Variants in RTN4RL1 observed in about 807,000 individuals in gnomAD.
RTN4RL1 encodes the protein reticulon-4 receptor-like 1.
Under a neutral mutation model 25.6 loss-of-function variants are expected in RTN4RL1, and 7 were observed. That is an observed-to-expected ratio of 0.27 (90% CI 0.16 to 0.51). The LOEUF is 0.51. Ranked by LOEUF, RTN4RL1 falls within the 20% of genes least tolerant of loss-of-function variation. RTN4RL1 has a pLI of 0.97. For synonymous variants in RTN4RL1, 297 were observed against 288.2 expected (o/e 1.03, Z -0.31); for missense variants, 500 against 615.6 (o/e 0.81, Z 1.99).
At chr17:1,979,531 G>T (rs1408526012) in intron 1 of RTN4RL1, among the ~76,000 whole-genome samples, 2 of 152,104 alleles carry the variant, frequency 1.3e-5, no homozygotes, top group Admixed American at 6.5e-5. Context: ...GAGTGGGGGG[G>T]TGTGGGTTGG....
At chr17:1,957,045 C>A (rs1915808156) in intron 1 of RTN4RL1, among the ~76,000 whole-genome samples, 2 of 152,170 alleles carry the variant, frequency 1.3e-5, no homozygotes, top group African/African-American at 2.4e-5. Flanking sequence ...CAGCCAGGAA[C>A]TTTTGATGTA....
rs544076141 is a variant in RTN4RL1, at chr17:1,974,016, G to C, written c.14-36208C>G. ...ATTGCGCCACTGCACTCCAGTCTGG[G>C]CGACAGAGCGAGACTCCGTCTCAGA... On this transcript the variant is annotated intron_variant, in intron 1 of 1. Coordinates refer to ENST00000331238, the MANE Select transcript of RTN4RL1 (RefSeq NM_178568.4). 2.7e-4 allele frequency among the ~76,000 whole-genome samples: 39 copies of C among 142,558 alleles called. 1 individual carries two copies. In the South Asian group the frequency reaches 8.6e-3, roughly 31 times the overall value. The allele number at this position is 142,558 out of a possible 152,430, so 93.5% of individuals were successfully genotyped here. A position where few individuals can be genotyped will look rare whatever the true frequency, so the allele number is the denominator to read the frequency against.
At chr17:1,955,119 C>T (rs889655614) in intron 1 of RTN4RL1, among the ~76,000 whole-genome samples, 9 of 152,168 alleles carry the variant, frequency 5.9e-5, no homozygotes, top group East Asian at 1.9e-4. Context: ...TCACCAGCCA[C>T]GAGCCCCTGC....
chr17:2,005,787 A>T (rs1271886458), intron 1 of RTN4RL1, among the ~76,000 whole-genome samples: 847 of 78,816 alleles, frequency 0.011, no homozygotes, highest in Non-Finnish European at 0.013. Flanking sequence ...TTTTTCTTTT[A>T]TTTTTCTTTC....
chr17:1,955,660 T>C (rs1048063130), intron 1 of RTN4RL1, among the ~76,000 whole-genome samples: 2 of 151,870 alleles, frequency 1.3e-5, no homozygotes, highest in African/African-American at 2.4e-5. Flanking sequence ...CTCGGCTCAC[T>C]GCAACCTCCA....
intron 1 of RTN4RL1, among the ~76,000 whole-genome samples, chr17:1,984,458 G>A (rs1318718730): frequency 6.6e-6 from 1 of 152,110 alleles, no homozygotes; most frequent in Non-Finnish European, 1.5e-5. Flanking sequence ...CAAACTCCTG[G>A]ACTCAAGCGA....
intron 1 of RTN4RL1, among the ~76,000 whole-genome samples, chr17:1,992,035 G>C (rs2066911037): frequency 6.6e-6 from 1 of 151,852 alleles, no homozygotes; most frequent in African/African-American, 2.4e-5. Flanking sequence ...TCATGACATG[G>C]GCCACGTAGG....
intron 1 of RTN4RL1, among the ~76,000 whole-genome samples, chr17:1,964,849 C>T (rs1387738108): frequency 3.0e-5 from 4 of 133,066 alleles, no homozygotes; most frequent in East Asian, 2.2e-4. Flanking sequence ...AGTGCAGTGG[C>T]GCAATCTTGG....
At chr17:1,969,524 A>G (rs1358782489) in intron 1 of RTN4RL1, among the ~76,000 whole-genome samples, 1 of 152,180 alleles carries the variant, frequency 6.6e-6, no homozygotes, top group Non-Finnish European at 1.5e-5. Flanking sequence ...ATCACAGTGG[A>G]TGAGCTGCTT....
rs542193909 is a variant in RTN4RL1, at chr17:2,007,897, G to T, written c.13+16956C>A. ...GAAGGAGGAGGCTGCAGTGAGCCGA[G>T]ATTGCGCCCCTGCACTCCAGCCTGG... On this transcript the variant is annotated intron_variant, in intron 1 of 1. Transcript: ENST00000331238. 6.6e-5 allele frequency among the ~76,000 whole-genome samples: 10 copies of T among 152,152 alleles called. No homozygotes were observed. In the South Asian group the frequency reaches 2.1e-3, roughly 32 times the overall value.
intron 1 of RTN4RL1, among the ~76,000 whole-genome samples, chr17:2,001,054 CTT>C (rs541156399): frequency 2.1e-5 from 3 of 144,334 alleles, no homozygotes; most frequent in Admixed American, 6.9e-5. Flanking sequence ...TTTTCATTTA[CTT>C]TTTTTTTTTT....
intron 1 of RTN4RL1, among the ~76,000 whole-genome samples, chr17:1,954,272 A>C (rs553960204): frequency 6.6e-6 from 1 of 152,248 alleles, no homozygotes; most frequent in East Asian, 1.9e-4. Context: ...AGTCTAACTT[A>C]CATACTGGGC....
intron 1 of RTN4RL1, among the ~76,000 whole-genome samples, chr17:1,944,658 TG>T (rs1783692597): frequency 6.6e-6 from 1 of 152,098 alleles, no homozygotes; most frequent in South Asian, 2.1e-4. Context: ...TGTTTCGTCA[TG>T]TTGGCCAGGC....
At chr17:1,983,908 CA>C (rs1304736984) in intron 1 of RTN4RL1, among the ~76,000 whole-genome samples, 5 of 152,264 alleles carry the variant, frequency 3.3e-5, no homozygotes, top group Admixed American at 2.6e-4. Flanking sequence ...AGGCTCCACC[CA>C]ATCCGGATCG....
intron 1 of RTN4RL1, among the ~76,000 whole-genome samples, chr17:1,952,775 T>A (rs62067551): frequency 0.17 from 25,189 of 151,126 alleles, 2,749 homozygotes; most frequent in Middle Eastern, 0.29. Flanking sequence ...CGGGGGTGAG[T>A]CTTTGTCTAC....
chr17:1,964,718 CA>C (rs1216585863), intron 1 of RTN4RL1, among the ~76,000 whole-genome samples: 1 of 151,264 alleles, frequency 6.6e-6, no homozygotes, highest in Non-Finnish European at 1.5e-5. Context: ...GGCGACAGAG[CA>C]AGAACCTGTC....
Position 1,935,747 on chromosome 17 carries a change from A to T in RTN4RL1, c.*749T>A. 3.8e-6 allele frequency: 1 copy of T among 264,064 alleles called. No individual in the cohort carries two copies. Among genetic ancestry groups the T allele is most frequent in the Non-Finnish European group, 5.6e-6 (1 of 179,450 alleles). 16.4% of individuals were successfully genotyped at this position (264,064 alleles called of 1,614,324 possible). ...TATATATATATATATATATATATAT[A>T]TATATATGTAGAGTGTGAATATATA... is the stretch of plus-strand genomic sequence containing the variant. On this transcript the variant is annotated 3_prime_UTR_variant, in exon 2 of 2. Transcript: ENST00000331238.
chr17:2,015,163 G>A (rs933794156), intron 1 of RTN4RL1, among the ~76,000 whole-genome samples: 1 of 152,200 alleles, frequency 6.6e-6, no homozygotes. Flanking sequence ...GAGGTGCAAA[G>A]GGCATCATGG....
At position 1,937,765 on chromosome 17, in the gene RTN4RL1, C is replaced by A; in HGVS notation, c.57G>T (p.Leu19=). ...ELLLLLVAAE[L]PLGGGCPRDC... is the part of the protein sequence containing the mutation. ...CCCGTGGGCAGCCACCACCCAGGGG[C>A]AGCTCCGCAGCTACCAACAGCAGCA... Residue 19 remains leucine, a synonymous_variant, in exon 2 of 2, where the codon CTG becomes CTT. Transcript: ENST00000331238. The A allele has an allele frequency of 6.2e-7, 1 of 1,601,684 alleles. No individual in the cohort carries two copies.
Sources: gnomAD v4.1 joint callset for allele counts (sites outside exome capture counted in the v4.1 genomes callset) on GRCh38, gnomAD v4.1.1 for gene constraint, MANE v1.5 for transcripts, NCBI Gene and HGNC (gene_info 2026-07-23, HGNC 2026-07-21) for gene names.